Variants in CNTN5 observed in about 807,000 individuals in gnomAD.
The protein encoded by CNTN5 is contactin 5, also known as contactin-5.
A neutral mutation model predicts 129.1 loss-of-function variants in CNTN5; 77 were observed. The ratio of observed to expected loss-of-function variants is 0.60; its 90% confidence interval spans 0.50 to 0.72. CNTN5 has a LOEUF of 0.72. Ranked by LOEUF, CNTN5 falls within the 30% of genes least tolerant of loss-of-function variation. The probability of loss-of-function intolerance (pLI) is 0.00; values close to 1 mark genes in which losing one functional copy is unlikely to be tolerated. For synonymous variants in CNTN5, 509 were observed against 465.6 expected (o/e 1.09, Z -1.20); for missense variants, 1,478 against 1,328.8 (o/e 1.11, Z -1.75).
chr11:100,049,190 A>T (rs1287709507), intron 9 of CNTN5, among the ~76,000 whole-genome samples: 1 of 152,066 alleles, frequency 6.6e-6, no homozygotes, highest in East Asian at 1.9e-4. Context: ...AATTTCTAAA[A>T]TTTTCTATTT....
intron 2 of CNTN5, among the ~76,000 whole-genome samples, chr11:99,519,527 T>C (rs1947191042): frequency 6.6e-6 from 1 of 152,096 alleles, no homozygotes; most frequent in Admixed American, 6.6e-5. Flanking sequence ...CATTTATGTA[T>C]CATTCACCAA....
At chr11:99,370,580 C>A (rs746618074) in intron 2 of CNTN5, among the ~76,000 whole-genome samples, 9 of 152,080 alleles carry the variant, frequency 5.9e-5, no homozygotes, top group Non-Finnish European at 1.2e-4. Context: ...CTTTGAAGTT[C>A]TTTGTCTTTG....
chr11:99,121,924 A>AT (rs1858356508), intron 1 of CNTN5, among the ~76,000 whole-genome samples: 2 of 151,812 alleles, frequency 1.3e-5, no homozygotes, highest in South Asian at 4.1e-4. Context: ...AGATGACCAT[A>AT]TTTTTTATTT....
intron 2 of CNTN5, among the ~76,000 whole-genome samples, chr11:99,458,345 A>G (rs1159714986): frequency 1.3e-5 from 2 of 151,988 alleles, no homozygotes; most frequent in Non-Finnish European, 2.9e-5. Flanking sequence ...TTAAAATTTG[A>G]TAGAGATTTA....
In CNTN5 at chr11:99,352,229, T is replaced by G. The variant is rs143690547; in HGVS notation, c.-71+26745T>G. Among the ~76,000 whole-genome samples the G allele has an allele frequency of 1.3e-3, 190 of 151,394 alleles. 1 individual carries two copies. The highest frequency in any genetic ancestry group is 4.4e-3 in the African/African-American group (181 of 41,506). ...CCACAAAGACTGCTTTCTAAAAACC[T>G]GTGGAGTGACCTCACAGCATTAAAA... is the stretch of plus-strand genomic sequence containing the variant. On this transcript the variant is annotated intron_variant, in intron 2 of 24. Transcript: ENST00000524871.
intron 2 of CNTN5, among the ~76,000 whole-genome samples, chr11:99,402,897 G>A (rs935848796): frequency 2.6e-5 from 4 of 151,856 alleles, no homozygotes; most frequent in African/African-American, 9.7e-5. Flanking sequence ...TTGAATTCCT[G>A]TGGTATCAAC....
At chr11:100,094,321 G>A in intron 13 of CNTN5, among the ~76,000 whole-genome samples, 1 of 152,022 alleles carries the variant, frequency 6.6e-6, no homozygotes, top group Non-Finnish European at 1.5e-5. Flanking sequence ...AACTGGGTAA[G>A]AACTCATATT....
At chr11:99,212,429 A>G (rs1229338231) in intron 1 of CNTN5, among the ~76,000 whole-genome samples, 5 of 152,216 alleles carry the variant, frequency 3.3e-5, no homozygotes, top group South Asian at 4.1e-4. Flanking sequence ...TATTTCCACT[A>G]TCGATAATAC....
intron 1 of CNTN5, among the ~76,000 whole-genome samples, chr11:99,214,019 TA>T (rs1232573308): frequency 1.3e-5 from 2 of 152,076 alleles, no homozygotes; most frequent in African/African-American, 4.8e-5. Flanking sequence ...ATTGCGAGAA[TA>T]AAAAAATGCA....
At chr11:99,795,115 C>T (rs1382604153) in intron 3 of CNTN5, among the ~76,000 whole-genome samples, 1 of 151,700 alleles carries the variant, frequency 6.6e-6, no homozygotes, top group African/African-American at 2.4e-5. Flanking sequence ...AGGTATTGTT[C>T]ATTCTTCTTC....
intron 20 of CNTN5, among the ~76,000 whole-genome samples, chr11:100,302,489 G>C (rs1951245677): frequency 6.6e-6 from 1 of 151,600 alleles, no homozygotes. Context: ...ATACAGTAAA[G>C]AACAAGAGGA....
chr11:100,123,163 C>A (rs1269364144), intron 13 of CNTN5, among the ~76,000 whole-genome samples: 1 of 151,806 alleles, frequency 6.6e-6, no homozygotes, highest in Non-Finnish European at 1.5e-5. Flanking sequence ...ATCTTTGTCT[C>A]ATATTTTAGG....
At chr11:99,452,703 A>C (rs1944353485) in intron 2 of CNTN5, among the ~76,000 whole-genome samples, 1 of 152,058 alleles carries the variant, frequency 6.6e-6, no homozygotes, top group Non-Finnish European at 1.5e-5. Flanking sequence ...AGTTTGTAGA[A>C]TGTCCTTAAG....
chr11:100,207,822 C>A lies in CNTN5; in HGVS notation c.1884+14159C>A, dbSNP rs570376700. ...ATGGTGTCTCTGGTGTTTAAAATTA[C>A]TGTAGCTCTACCATGTTAAACTGCA... On this transcript the variant is annotated intron_variant, in intron 15 of 24. Transcript: ENST00000524871. Among the ~76,000 whole-genome samples the A allele has an allele frequency of 9.2e-5, 14 of 152,280 alleles. No individual in the cohort carries two copies. The South Asian group carries it at 2.5e-3, about 27-fold the overall frequency.
At chr11:99,450,768 G>GTTTTTTTTTTTTTTTTTT (rs34146715) in intron 2 of CNTN5, among the ~76,000 whole-genome samples, 2 of 105,006 alleles carry the variant, frequency 1.9e-5, no homozygotes, top group African/African-American at 3.6e-5. Flanking sequence ...ATTGAAGCAA[G>GTTTTTTTTTTTTTTTTTT]TTTTTTTTTT....
intron 3 of CNTN5, among the ~76,000 whole-genome samples, chr11:99,661,847 G>A (rs1304648878): frequency 1.3e-5 from 2 of 152,042 alleles, no homozygotes; most frequent in Admixed American, 6.6e-5. Flanking sequence ...GGTACTCCAC[G>A]ATACAATACT....
chr11:100,229,154 A>G (rs1949440320), intron 16 of CNTN5, among the ~76,000 whole-genome samples: 1 of 152,110 alleles, frequency 6.6e-6, no homozygotes, highest in South Asian at 2.1e-4. Context: ...TCATCTATAA[A>G]ATTAGAATAT....
chr11:99,691,353 G>C (rs1053004606), intron 3 of CNTN5, among the ~76,000 whole-genome samples: 6 of 151,964 alleles, frequency 3.9e-5, no homozygotes, highest in African/African-American at 4.8e-5. Flanking sequence ...TTGTTAACTT[G>C]AGATCTTTCT....
At chr11:100,068,683 C>T (rs547162831) in intron 10 of CNTN5, among the ~76,000 whole-genome samples, 1 of 152,142 alleles carries the variant, frequency 6.6e-6, no homozygotes, top group Non-Finnish European at 1.5e-5. Context: ...GTACAAAAAT[C>T]ATGATGAATA....
Sources: allele counts gnomAD v4.1 joint callset (sites outside exome capture counted in the v4.1 genomes callset), GRCh38; gene constraint gnomAD v4.1.1; transcripts MANE v1.5; gene names NCBI Gene and HGNC (gene_info 2026-07-23, HGNC 2026-07-21).